The following LRIT1 variants were observed in gnomAD, a reference collection of about 807,000 sequenced individuals.
The protein encoded by LRIT1 is leucine rich repeat, Ig-like and transmembrane domains 1.
In LRIT1, 23 loss-of-function variants were observed where a neutral mutation model predicts 24.0. The ratio of observed to expected loss-of-function variants is 0.96; its 90% confidence interval spans 0.69 to 1.36. The LOEUF is 1.36. LRIT1 is among the 40% of genes most tolerant of loss of function. The pLI, the probability that LRIT1 is intolerant of heterozygous loss-of-function variation, is 0.00. For synonymous variants in LRIT1, 361 were observed against 340.5 expected, an observed-to-expected ratio of 1.06 and a Z score of -0.66; for missense variants, 846 against 806.3, an observed-to-expected ratio of 1.05 and a Z score of -0.60.
In LRIT1 at chr10:84,231,575, A is replaced by C. The variant is rs1291366383; in HGVS notation, c.*352T>G. ...CCACAGGCCTGTGAGTGTGAAAATA[A>C]GTGTTCACTGCTATACATCACCAAG... On this transcript the variant is annotated 3_prime_UTR_variant, in exon 4 of 4. Transcript: ENST00000372105. 1.2e-5 allele frequency: 3 copies of C among 258,502 alleles called. No individual in the cohort carries two copies. Among genetic ancestry groups the C allele is most frequent in the Non-Finnish European group, 2.2e-5 (3 of 133,946 alleles). 16.0% of individuals were successfully genotyped at this position (258,502 alleles called of 1,614,324 possible).
chr10:84,232,277 C>G lies in LRIT1; in HGVS notation c.1522G>C (p.Glu508Gln), dbSNP rs776008586. ...VCVQGLVPRK[E>Q]QCVIFSTNEV... ...TTGGTGGAGAAAATAACACACTGCT[C>G]CTTCCGGGGCACCAGGCCCTGCACA... Residue 508 changes from glutamate to glutamine, a missense_variant, in exon 4 of 4, where the codon GAG (glutamate) becomes CAG (glutamine). Transcript: ENST00000372105. 1 of 1,614,102 alleles carries G rather than the reference C, an allele frequency of 6.2e-7. No individual in the cohort carries two copies. The highest frequency in any genetic ancestry group is 1.7e-5 in the Admixed American group (1 of 60,014).
intron 3 of LRIT1, among the ~76,000 whole-genome samples, chr10:84,233,781 A>G (rs982975404): frequency 6.6e-6 from 1 of 152,196 alleles, no homozygotes; most frequent in Non-Finnish European, 1.5e-5. Context: ...ACACTAAAAG[A>G]GGGTCTTCCA....
At chr10:84,239,682 G>T (rs1223938468) in intron 1 of LRIT1, among the ~76,000 whole-genome samples, 1 of 152,190 alleles carries the variant, frequency 6.6e-6, no homozygotes, top group Non-Finnish European at 1.5e-5. Flanking sequence ...AATCCATTCA[G>T]ATGCATAGCC....
In LRIT1 at chr10:84,231,835, G is replaced by T; in HGVS notation, c.*92C>A. The T allele has an allele frequency of 7.1e-7, 1 of 1,407,912 alleles. No individual in the cohort carries two copies. 87.2% of individuals were successfully genotyped at this position (1,407,912 alleles called of 1,614,324 possible). On this transcript the variant is annotated 3_prime_UTR_variant, in exon 4 of 4. Coordinates refer to ENST00000372105, the MANE Select transcript of LRIT1 (RefSeq NM_015613.3). The stretch of plus-strand genomic sequence containing the variant: ...TAAGTATCTGAGTAAGCAGGTACCC[G>T]AGCAGGTAAGAGTGGGTGATCGTGT...
At chr10:84,236,747 T>G (rs1315216895) in intron 2 of LRIT1, among the ~76,000 whole-genome samples, 1 of 152,244 alleles carries the variant, frequency 6.6e-6, no homozygotes, top group Admixed American at 6.5e-5. Flanking sequence ...GTCTTTAACC[T>G]CTTCTGCAAT....
At chr10:84,233,008 A>G in intron 3 of LRIT1, 105 bp from the exon 4 acceptor site, 3 of 1,269,620 alleles carry the variant, frequency 2.4e-6, no homozygotes, top group African/African-American at 1.5e-5. Flanking sequence ...CTCAGGTGTC[A>G]TCGTAAGAAA....
Position 84,237,293 on chromosome 10 carries a change from C to T in LRIT1, c.516G>A (p.Gln172=), listed in dbSNP as rs1360486835. The stretch of plus-strand genomic sequence containing the variant: ...GGTGAGCCCAGGAGACGATGAGCTC[C>T]TGCGGGAGCCTCATCAGCTGGTTGC... ...LSSNQLMRLP[Q]ELIVSWAHLE... The change falls in exon 2 of 4, where the codon CAG becomes CAA. Residue 172 remains glutamine, a synonymous_variant. Coordinates refer to ENST00000372105, the MANE Select transcript of LRIT1 (RefSeq NM_015613.3). 1.3e-6 allele frequency: 2 copies of T among 1,550,924 alleles called. No individual in the cohort carries two copies. The highest frequency in any genetic ancestry group is 2.4e-5 in the East Asian group (1 of 40,916).
At chr10:84,235,332 C>A (rs1463014166) in intron 2 of LRIT1, among the ~76,000 whole-genome samples, 2 of 152,192 alleles carry the variant, frequency 1.3e-5, no homozygotes, top group East Asian at 3.9e-4. Context: ...CTCACCCCAT[C>A]TCACCAGTGG....
At position 84,231,999 on chromosome 10, in the gene LRIT1, TGA is replaced by T; in HGVS notation, c.1798_1799del (p.Ala601SerfsTer19). The T allele has an allele frequency of 6.2e-7, 1 of 1,614,116 alleles. No homozygotes were observed. Among genetic ancestry groups the T allele is most frequent in the South Asian group, 1.1e-5 (1 of 91,066 alleles). ...HSVSEADRLLSARSSVDFQAF... is the reference protein window; with the variant it reads ...HSVSEADRLLXARSSVDFQAF... ...CCTGAAAGTCCACACTGGAACGAGC[TGA>T]GAGAAGCCTGTCAGCCTCGCTGACA... On this transcript the variant is annotated frameshift_variant, in exon 4 of 4. Coordinates refer to ENST00000372105, the MANE Select transcript of LRIT1 (RefSeq NM_015613.3). LOFTEE classifies it high-confidence loss of function.
At chr10:84,233,221 G>C (rs957038790) in intron 3 of LRIT1, among the ~76,000 whole-genome samples, 3 of 152,174 alleles carry the variant, frequency 2.0e-5, no homozygotes, top group Non-Finnish European at 4.4e-5. Context: ...CCAGGCTGGA[G>C]TGCAGCGGTG....
At chr10:84,235,150 T>C (rs904640360) in intron 2 of LRIT1, among the ~76,000 whole-genome samples, 1 of 152,226 alleles carries the variant, frequency 6.6e-6, no homozygotes, top group African/African-American at 2.4e-5. Context: ...AAAGACTTAT[T>C]GAATTTAATA....
In LRIT1 at chr10:84,232,425, G is replaced by T; in HGVS notation, c.1374C>A (p.Ala458=). ...WKAPQAKNTT[A]FSVLYAVFGQ... is the part of the protein sequence containing the mutation. ...CAAAGACCGCGTAGAGGACACTGAA[G>T]GCAGTTGTGTTCTTAGCCTGGGGTG... is the stretch of plus-strand genomic sequence containing the variant. The change falls in exon 4 of 4, where the codon GCC becomes GCA. Residue 458 remains alanine (A), a synonymous_variant. Transcript: ENST00000372105. 1 of 1,614,184 alleles carries T rather than the reference G, an allele frequency of 6.2e-7. No individual in the cohort carries two copies. Among genetic ancestry groups the T allele is most frequent in the Non-Finnish European group, 8.5e-7 (1 of 1,180,044 alleles).
At position 84,237,371 on chromosome 10, in the gene LRIT1, C is replaced by A; in HGVS notation, c.438G>T (p.Val146=). 6.5e-7 allele frequency: 1 copy of A among 1,549,756 alleles called. No homozygotes were observed. Among genetic ancestry groups the A allele is most frequent in the Middle Eastern group, 1.7e-4 (1 of 5,850 alleles). The change falls in exon 2 of 4, where the codon GTG becomes GTT. Residue 146 remains valine, a synonymous_variant. Coordinates refer to ENST00000372105, the MANE Select transcript of LRIT1 (RefSeq NM_015613.3). The part of the protein sequence containing the change: ...LDLQANRLSA[V]PAEAARFLEN... The stretch of plus-strand genomic sequence containing the variant: ...CCAGGAAGCGCGCGGCCTCAGCGGG[C>A]ACAGCCGAGAGGCGGTTGGCCTGCA...
At position 84,237,348 on chromosome 10, in the gene LRIT1, A is replaced by C. The variant is rs770440245; in HGVS notation, c.461T>G (p.Leu154Arg). The C allele has an allele frequency of 1.4e-5, 21 of 1,550,480 alleles. No homozygotes were observed. The highest frequency in any genetic ancestry group is 1.7e-4 in the Middle Eastern group (1 of 5,932). Residue 154 changes from leucine (L) to arginine (R), a missense_variant, in exon 2 of 4, where the codon CTG (leucine) becomes CGG (arginine). Coordinates refer to ENST00000372105, the MANE Select transcript of LRIT1 (RefSeq NM_015613.3). ...GAGGTCGAGGAAGGTGAGGTTCTCC[A>C]GGAAGCGCGCGGCCTCAGCGGGCAC... ...SAVPAEAARF[L>R]ENLTFLDLSS...
rs990945520 is a variant in LRIT1 at position 84,237,398 on chromosome 10, G to A, written c.411C>T (p.Asp137=). The part of the protein sequence containing the change: ...LRDAPKLRLL[D]LQANRLSAVP... ...CAGCCGAGAGGCGGTTGGCCTGCAGGTCCAGCAGCCGCAGCTTGGGGGCGT... is the reference window on the plus strand; with the variant it reads ...CAGCCGAGAGGCGGTTGGCCTGCAGATCCAGCAGCCGCAGCTTGGGGGCGT... The change falls in exon 2 of 4, where the codon GAC becomes GAT. Residue 137 remains aspartate (D), a synonymous_variant. Transcript: ENST00000372105. 10 of 1,547,604 alleles carry A rather than the reference G, an allele frequency of 6.5e-6. No individual in the cohort carries two copies. In the African/African-American group the frequency reaches 9.6e-5, roughly 15 times the overall value.
chr10:84,232,636 T>C lies in LRIT1; in HGVS notation c.1163A>G (p.Lys388Arg), dbSNP rs776563977. The C allele has an allele frequency of 3.7e-6, 6 of 1,613,498 alleles. No homozygotes were observed. Among genetic ancestry groups the C allele is most frequent in the Non-Finnish European group, 5.1e-6 (6 of 1,179,610 alleles). The change falls in exon 4 of 4, where the codon AAA becomes AGA. Residue 388 changes from lysine to arginine, a missense_variant. Lys to Arg is a conservative substitution (Grantham distance 26). Transcript: ENST00000372105. ...GGGTCCAGTGGCCAGGACAGCGGGT[T>C]TGGGAATCTGGGGGACATGCCTGGC... Reference protein sequence around the residue: ...LVARHVPQIPKPAVLATGPSV... With the variant: ...LVARHVPQIPRPAVLATGPSV...
In LRIT1 at chr10:84,234,087, GGCCT is replaced by G. The variant is rs764173761; in HGVS notation, c.877_880del (p.Arg293ProfsTer50). The G allele has an allele frequency of 3.2e-6, 5 of 1,553,498 alleles. No individual in the cohort carries two copies. In the African/African-American group the frequency reaches 6.8e-5, roughly 21 times the overall value. On this transcript the variant is annotated frameshift_variant, in exon 3 of 4. Transcript: ENST00000372105. LOFTEE classifies it low-confidence loss of function (END_TRUNC). Reference sequence around the variant, plus strand: ...AGCTCACATACCTGTACCATTAAGGGGCCTGCCATTGGCCCTCCTCCAGCTCATC... The same window carrying G: ...AGCTCACATACCTGTACCATTAAGGGGCCATTGGCCCTCCTCCAGCTCATC...
At position 84,231,809 on chromosome 10, in the gene LRIT1, G is replaced by T. The variant is rs978098302; in HGVS notation, c.*118C>A. ...GCAGCTGCTGCTGCTGTTGTTGTGT[G>T]TAAGTATCTGAGTAAGCAGGTACCC... On this transcript the variant is annotated 3_prime_UTR_variant, in exon 4 of 4. Coordinates refer to ENST00000372105, the MANE Select transcript of LRIT1 (RefSeq NM_015613.3). 2 of 1,119,844 alleles carry T rather than the reference G, an allele frequency of 1.8e-6. No homozygotes were observed. Among genetic ancestry groups the T allele is most frequent in the South Asian group, 1.6e-5 (1 of 62,914 alleles). The allele number at this position is 1,119,844 out of a possible 1,614,324, so 69.4% of individuals were successfully genotyped here. A position where few individuals can be genotyped will look rare whatever the true frequency, so the allele number is the denominator to read the frequency against.
In LRIT1 at chr10:84,232,524, G is replaced by GGGTC. The variant is rs765771991; in HGVS notation, c.1271_1274dup (p.Ser426ThrfsTer30). ...CAGACCTCACCATTCGTGCCTCTGA[G>GGGTC]GGTCCTGCCCGCCCATCAGAGAGCT... On this transcript the variant is annotated frameshift_variant, in exon 4 of 4. Coordinates refer to ENST00000372105, the MANE Select transcript of LRIT1 (RefSeq NM_015613.3). LOFTEE classifies it low-confidence loss of function (END_TRUNC). The GGGTC allele has an allele frequency of 6.2e-7, 1 of 1,614,170 alleles. No homozygotes were observed. The highest frequency in any genetic ancestry group is 8.5e-7 in the Non-Finnish European group (1 of 1,180,030).
Sources: allele counts gnomAD v4.1 joint callset (sites outside exome capture counted in the v4.1 genomes callset), GRCh38; gene constraint gnomAD v4.1.1; transcripts MANE v1.5; gene names NCBI Gene and HGNC (gene_info 2026-07-23, HGNC 2026-07-21).